Variants in GALNTL6 observed in about 807,000 individuals in gnomAD.
GALNTL6 encodes polypeptide N-acetylgalactosaminyltransferase like 6.
In GALNTL6, 46 loss-of-function variants were observed where a neutral mutation model predicts 73.7. The ratio of observed to expected loss-of-function variants is 0.62; its 90% CI spans 0.49 to 0.80. The LOEUF (loss-of-function observed/expected upper bound fraction) is 0.80. Ranked by LOEUF, GALNTL6 falls within the 30% of genes least tolerant of loss-of-function variation. The pLI is 0.00. For missense variants in GALNTL6, 604 were observed against 755.0 expected (o/e 0.80, Z 2.34); for synonymous variants, 259 against 263.7 (o/e 0.98, Z 0.17).
At chr4:172,066,850 G>A (rs1420491954) in intron 2 of GALNTL6, among the ~76,000 whole-genome samples, 1 of 151,924 alleles carries the variant, frequency 6.6e-6, no homozygotes, top group Non-Finnish European at 1.5e-5. Flanking sequence ...GCTCTTATGT[G>A]AACCACTTCT....
chr4:172,234,646 T>G (rs1737177638), intron 3 of GALNTL6, among the ~76,000 whole-genome samples: 1 of 152,154 alleles, frequency 6.6e-6, no homozygotes, highest in South Asian at 2.1e-4. Context: ...GAAACCAAAT[T>G]TGTTATTCTA....
At chr4:172,069,553 A>ATGTTATATATATTATATATAACACATATG in intron 2 of GALNTL6, among the ~76,000 whole-genome samples, 1 of 17,632 alleles carries the variant, frequency 5.7e-5, no homozygotes, top group African/African-American at 1.5e-4. Context: ...TAACACATAT[A>ATGTTATATATATTATATATAACACATATG]TGTTATATAT....
At chr4:172,248,611 T>C (rs1737741106) in intron 3 of GALNTL6, among the ~76,000 whole-genome samples, 4 of 152,194 alleles carry the variant, frequency 2.6e-5, no homozygotes, top group African/African-American at 9.7e-5. Context: ...ATGGTTTGGC[T>C]GTGTCCCCAC....
chr4:172,401,352 C>T (rs561352069), intron 5 of GALNTL6, among the ~76,000 whole-genome samples: 1 of 151,972 alleles, frequency 6.6e-6, no homozygotes, highest in Non-Finnish European at 1.5e-5. Context: ...TTTTTTAAAA[C>T]TAATTTTCAT....
At chr4:172,724,860 T>C (rs1735703752) in intron 5 of GALNTL6, among the ~76,000 whole-genome samples, 1 of 152,038 alleles carries the variant, frequency 6.6e-6, no homozygotes, top group South Asian at 2.1e-4. Flanking sequence ...AAATGTGAAA[T>C]CCAGGAATCT....
intron 3 of GALNTL6, among the ~76,000 whole-genome samples, chr4:172,245,452 G>A (rs566406636): frequency 2.0e-5 from 3 of 152,244 alleles, no homozygotes; most frequent in African/African-American, 4.8e-5. Flanking sequence ...ATATCAACAC[G>A]TTCTCAGAAG....
rs539721652 is a variant in GALNTL6 at position 172,008,788 on chromosome 4, C to CCA, written c.138+194073_138+194074dup. On this transcript the variant is annotated intron_variant, in intron 2 of 12. Transcript: ENST00000506823. ...TCCCTTCACCAGTTTTGGCTGCTTT[C>CCA]CACATCCTTATGCAGAGCAAATCAA... Among the ~76,000 whole-genome samples, 7 of 152,234 alleles carry CCA rather than the reference C, an allele frequency of 4.6e-5. No individual in the cohort carries two copies. The South Asian group carries it at 1.4e-3, about 32-fold the overall frequency.
chr4:172,272,196 C>G (rs1738681259), intron 3 of GALNTL6, among the ~76,000 whole-genome samples: 1 of 152,172 alleles, frequency 6.6e-6, no homozygotes, highest in Non-Finnish European at 1.5e-5. Context: ...CTCAGGTGGT[C>G]TGCTCACCTC....
Position 172,625,714 on chromosome 4 carries a change from T to A in GALNTL6, c.554-183647T>A, listed in dbSNP as rs565039158. ...TGTATTGACTTTTTAATAATAGCTA[T>A]TCTGACTGGTGTGAGATAGTATCTC... is the stretch of plus-strand genomic sequence containing the variant. On this transcript the variant is annotated intron_variant, in intron 5 of 12. Coordinates refer to ENST00000506823, the MANE Select transcript of GALNTL6 (RefSeq NM_001034845.3). Among the ~76,000 whole-genome samples the A allele has an allele frequency of 6.2e-3, 942 of 152,228 alleles. 9 individuals are homozygous for A. Among genetic ancestry groups the A allele is most frequent in the African/African-American group, 0.021 (886 of 41,552 alleles).
chr4:172,246,177 T>C (rs1293348605), intron 3 of GALNTL6, among the ~76,000 whole-genome samples: 1 of 152,142 alleles, frequency 6.6e-6, no homozygotes, highest in Admixed American at 6.6e-5. Context: ...GAGAGCACAA[T>C]AGAATTAGCG....
At chr4:172,970,772 G>A (rs942563630) in intron 10 of GALNTL6, among the ~76,000 whole-genome samples, 1 of 152,186 alleles carries the variant, frequency 6.6e-6, no homozygotes, top group Non-Finnish European at 1.5e-5. Flanking sequence ...TTAAAGTAAA[G>A]ACAGGCATAA....
intron 5 of GALNTL6, among the ~76,000 whole-genome samples, chr4:172,808,150 T>G (rs950192754): frequency 6.6e-6 from 1 of 152,112 alleles, no homozygotes; most frequent in Non-Finnish European, 1.5e-5. Flanking sequence ...CAGTGAAAAT[T>G]AGAAAGCCAA....
intron 1 of GALNTL6, 27 bp from the exon 2 acceptor site, chr4:171,814,385 G>T (rs972467236): frequency 3.3e-6 from 2 of 603,670 alleles, no homozygotes; most frequent in South Asian, 2.1e-5. Context: ...TTTCTGGGGG[G>T]AAAGTAACTG....
At chr4:172,230,595 A>G (rs1737027630) in intron 3 of GALNTL6, among the ~76,000 whole-genome samples, 1 of 151,922 alleles carries the variant, frequency 6.6e-6, no homozygotes, top group Non-Finnish European at 1.5e-5. Flanking sequence ...AAAAAAAGAC[A>G]AAAAAGAATA....
intron 3 of GALNTL6, among the ~76,000 whole-genome samples, chr4:172,279,105 A>T (rs1738939442): frequency 6.6e-6 from 1 of 152,180 alleles, no homozygotes; most frequent in Admixed American, 6.5e-5. Context: ...ACCTAAAGCT[A>T]TAAAACTCTT....
intron 5 of GALNTL6, among the ~76,000 whole-genome samples, chr4:172,680,845 GGTTACAAAACA>G (rs1732596301): frequency 6.6e-6 from 1 of 152,134 alleles, no homozygotes; most frequent in South Asian, 2.1e-4. Flanking sequence ...AGAATGCAAG[GGTTACAAAACA>G]GTAATCAGTT....
chr4:171,948,661 T>G (rs1214258100), intron 2 of GALNTL6, among the ~76,000 whole-genome samples: 1 of 152,178 alleles, frequency 6.6e-6, no homozygotes, highest in Non-Finnish European at 1.5e-5. Context: ...CTTAACAATT[T>G]ATGCTGTTTA....
intron 2 of GALNTL6, among the ~76,000 whole-genome samples, chr4:172,179,061 G>A (rs186114324): frequency 0.028 from 3,964 of 144,050 alleles, 89 homozygotes; most frequent in East Asian, 0.036. Context: ...ATCATTGTTG[G>A]ACATTTGGGT....
chr4:172,562,429 G>A (rs1427333821), intron 5 of GALNTL6, among the ~76,000 whole-genome samples: 1 of 152,110 alleles, frequency 6.6e-6, no homozygotes, highest in Non-Finnish European at 1.5e-5. Context: ...TCTGGCCCTG[G>A]GCTTCCTCAC....
Sources: allele counts gnomAD v4.1 joint callset (sites outside exome capture counted in the v4.1 genomes callset), GRCh38; gene constraint gnomAD v4.1.1; transcripts MANE v1.5; gene names NCBI Gene and HGNC (gene_info 2026-07-23, HGNC 2026-07-21).